SMC4: variants seen among roughly 807,000 people sequenced by gnomAD.
SMC4 encodes structural maintenance of chromosomes protein 4.
SMC4 carries 87 observed loss-of-function variants against 145.6 expected under a neutral mutation model. That is an observed-to-expected ratio of 0.60 (90% CI 0.50 to 0.71). SMC4 has a LOEUF of 0.71. Ranked by LOEUF, SMC4 falls within the 30% of genes least tolerant of loss-of-function variation. SMC4 has a pLI of 0.00. For missense variants in SMC4, 1,447 were observed against 1,537.1 expected (o/e 0.94, Z 0.98); for synonymous variants, 558 against 500.7 (o/e 1.11, Z -1.53).
At chr3:160,418,726 T>TA (rs1322677930) in intron 11 of SMC4, among the ~76,000 whole-genome samples, 10 of 152,064 alleles carry the variant, frequency 6.6e-5, no homozygotes, top group Non-Finnish European at 1.3e-4. Context: ...CAGTAAGTAA[T>TA]AGACATAATT....
At chr3:160,400,789 G>T (rs974336535) in intron 1 of SMC4, 33 bp from the exon 2 acceptor site, 1 of 1,469,898 alleles carries the variant, frequency 6.8e-7, no homozygotes. Context: ...CGGCCCGCGG[G>T]CTGACTTGCT....
chr3:160,402,294 T>C (rs958725946), intron 3 of SMC4, among the ~76,000 whole-genome samples: 31 of 152,198 alleles, frequency 2.0e-4, no homozygotes, highest in Non-Finnish European at 3.5e-4. Flanking sequence ...CTTTTGTTTA[T>C]CTGGTTATCT....
intron 5 of SMC4, among the ~76,000 whole-genome samples, chr3:160,409,082 C>G (rs998731196): frequency 2.7e-5 from 4 of 147,278 alleles, no homozygotes; most frequent in African/African-American, 9.8e-5. Context: ...CTGGCTAACA[C>G]GGTGAAACCC....
At chr3:160,406,568 A>G (rs971763145) in intron 5 of SMC4, among the ~76,000 whole-genome samples, 23 of 152,212 alleles carry the variant, frequency 1.5e-4, no homozygotes, top group Non-Finnish European at 2.4e-4. Flanking sequence ...CGTAGTATCA[A>G]CATCCAAGAC....
rs779132056 is a variant in SMC4 at position 160,424,976 on chromosome 3, G to A, written c.2435G>A (p.Arg812Gln). The A allele has an allele frequency of 1.1e-5, 18 of 1,612,574 alleles. No homozygotes were observed. Among genetic ancestry groups the A allele is most frequent in the South Asian group, 2.2e-5 (2 of 91,046 alleles). The change falls in exon 16 of 24, where the codon CGA becomes CAA. Residue 812 changes from arginine (R) to glutamine (Q), a missense_variant. Physicochemically the swap from Arg to Gln is conservative, Grantham distance 43 (BLOSUM62 1). Coordinates refer to ENST00000357388, the MANE Select transcript of SMC4 (RefSeq NM_001002800.3). ...ERVVKLRHSE[R>Q]EMRNTLEKFT... ...GTAGTTAAGTTACGGCATAGTGAAC[G>A]AGAAATGAGGAACACACTAGAAAAA...
Position 160,413,594 on chromosome 3 carries a change from G to C in SMC4, c.1102G>C (p.Asp368His). The C allele has an allele frequency of 7.1e-7, 1 of 1,414,960 alleles. No homozygotes were observed. The highest frequency in any genetic ancestry group is 1.5e-5 in the African/African-American group (1 of 68,804). 87.7% of individuals were successfully genotyped at this position (1,414,960 alleles called of 1,614,324 possible). The change falls in exon 8 of 24, where the codon GAT becomes CAT. Residue 368 changes from aspartate to histidine, a missense_variant. Physicochemically the swap from Asp to His is moderately conservative, Grantham distance 81 (BLOSUM62 -1). Coordinates refer to ENST00000357388, the MANE Select transcript of SMC4 (RefSeq NM_001002800.3). ...AAATGAAATGAAAGCTAAGAATAAA[G>C]ATGTAAAAGATACAGAAAAGTAATA... The part of the protein sequence containing the change: ...LSNEMKAKNK[D>H]VKDTEKKLNK...
At chr3:160,426,020 A>AT in intron 16 of SMC4, 54 bp from the exon 17 acceptor site, 1 of 1,387,376 alleles carries the variant, frequency 7.2e-7, no homozygotes, top group Non-Finnish European at 9.8e-7. Flanking sequence ...AAAATTCACA[A>AT]TGTTTAAAGC....
At chr3:160,422,025 T>C (rs1344808236) in intron 13 of SMC4, among the ~76,000 whole-genome samples, 1 of 152,256 alleles carries the variant, frequency 6.6e-6, no homozygotes, top group East Asian at 1.9e-4. Flanking sequence ...TCATCTATGT[T>C]GTAGCATGTA....
At chr3:160,420,646 T>G in intron 12 of SMC4, 94 bp from the exon 13 acceptor site, 1 of 1,322,682 alleles carries the variant, frequency 7.6e-7, no homozygotes, top group Non-Finnish European at 1.1e-6. Context: ...CTACATAAAG[T>G]TTTTCAATTA....
Position 160,431,037 on chromosome 3 carries a change from C to T in SMC4, c.2946C>T (p.Ser982=), listed in dbSNP as rs991067075. The change falls in exon 20 of 24, where the codon TCC becomes TCT. Residue 982 remains serine, a synonymous_variant. Transcript: ENST00000357388. ...CAGTTCTTTTCGGTGTTTAGGAATC[C>T]TTACCAGAGATCCAGAAAGAACATC... ...VVKNTNAAEE[S]LPEIQKEHRN... 1.9e-6 allele frequency: 3 copies of T among 1,598,070 alleles called. No individual in the cohort carries two copies. Among genetic ancestry groups the T allele is most frequent in the Admixed American group, 1.8e-5 (1 of 55,232 alleles).
intron 1 of SMC4, 113 bp from the exon 2 acceptor site, chr3:160,400,709 C>A: frequency 7.8e-7 from 1 of 1,286,824 alleles, no homozygotes; most frequent in Non-Finnish European, 1.0e-6. Context: ...TGCCTCTAAG[C>A]GGAGTGTTAA....
rs368691169 is a variant in SMC4, at chr3:160,431,742, A to G, written c.3214A>G (p.Ile1072Val). ...TGAAGCGATCAAGAATCCAGATTCT[A>G]TAACAAATCAAATTGCACTTTTGGA... Reference protein sequence around the residue: ...DLEAIKNPDSITNQIALLEAR... With the variant: ...DLEAIKNPDSVTNQIALLEAR... Residue 1072 changes from isoleucine to valine, a missense_variant, in exon 21 of 24, where the codon ATA (isoleucine) becomes GTA (valine). Ile to Val is a conservative substitution (Grantham distance 29, BLOSUM62 3). Transcript: ENST00000357388. 2.3e-5 allele frequency: 37 copies of G among 1,613,950 alleles called. No homozygotes were observed. The highest frequency in any genetic ancestry group is 3.3e-4 in the Middle Eastern group (2 of 6,084).
intron 15 of SMC4, 142 bp from the exon 16 acceptor site, chr3:160,424,725 G>C: frequency 1.3e-6 from 1 of 778,402 alleles, no homozygotes; most frequent in Non-Finnish European, 2.1e-6. Context: ...CAGGAGAATC[G>C]CTTGAACCCG....
Position 160,425,881 on chromosome 3 carries a change from C to T in SMC4, c.2479-193C>T, listed in dbSNP as rs567107205. Among the ~76,000 whole-genome samples the T allele has an allele frequency of 1.5e-3, 223 of 152,254 alleles. 2 individuals are homozygous for T. The highest frequency in any genetic ancestry group is 2.5e-3 in the Non-Finnish European group (171 of 67,986). On this transcript the variant is annotated intron_variant, in intron 16 of 23. Coordinates refer to ENST00000357388, the MANE Select transcript of SMC4 (RefSeq NM_001002800.3). ...TGTAAACAGAAATGTGGCATTTTAA[C>T]GTGTCTTTATAATGAGCTTACATAT...
chr3:160,417,920 A>G lies in SMC4; in HGVS notation c.1635A>G (p.Glu545=). 1 of 1,612,654 alleles carries G rather than the reference A, an allele frequency of 6.2e-7. No individual in the cohort carries two copies. Among genetic ancestry groups the G allele is most frequent in the South Asian group, 1.1e-5 (1 of 90,956 alleles). Residue 545 remains glutamate, a synonymous_variant, in exon 11 of 24, where the codon GAA becomes GAG. Transcript: ENST00000357388. ...KERKAAIRDI[E]GKLPQTEQEL... ...GGAAAGCTGCAATCAGAGATATAGAAGGAAAACTCCCTCAAACTGAACAAG... is the reference window on the plus strand; with the variant it reads ...GGAAAGCTGCAATCAGAGATATAGAGGGAAAACTCCCTCAAACTGAACAAG...
chr3:160,413,373 T>C lies in SMC4; in HGVS notation c.981-100T>C, dbSNP rs1211764959. 2.4e-5 allele frequency: 28 copies of C among 1,181,674 alleles called. 1 individual carries two copies. Among genetic ancestry groups the C allele is most frequent in the South Asian group, 4.3e-5 (3 of 69,854 alleles). 73.2% of individuals were successfully genotyped at this position (1,181,674 alleles called of 1,614,324 possible). ...AGGCAGTCATATATTGACTAGTTAA[T>C]AATATTTTAGAAACAGTTAGTTTTA... On this transcript the variant is annotated intron_variant, in intron 7 of 23. Coordinates refer to ENST00000357388, the MANE Select transcript of SMC4 (RefSeq NM_001002800.3).
chr3:160,426,271 A>G (rs1188907623), intron 17 of SMC4, 71 bp downstream of exon 17: 2 of 1,127,444 alleles, frequency 1.8e-6, no homozygotes, highest in African/African-American at 3.2e-5. Flanking sequence ...ATATTTAAGA[A>G]GCAGTAGAAT....
chr3:160,424,924 G>GA lies in SMC4; in HGVS notation c.2385dup (p.Gln796ThrfsTer6). 6.2e-7 allele frequency: 1 copy of GA among 1,613,816 alleles called. No individual in the cohort carries two copies. Among genetic ancestry groups the GA allele is most frequent in the Non-Finnish European group, 8.5e-7 (1 of 1,179,954 alleles). The stretch of plus-strand genomic sequence containing the variant: ...CTCTAAAAAAGCAATGCAAATCCAA[G>GA]AACAGAAAGTACAACTTGAAGAAAG... On this transcript the variant is annotated frameshift_variant, in exon 16 of 24. Transcript: ENST00000357388. LOFTEE classifies it high-confidence loss of function.
chr3:160,408,702 A>G (rs1224741186), intron 5 of SMC4, among the ~76,000 whole-genome samples: 2 of 152,224 alleles, frequency 1.3e-5, no homozygotes, highest in East Asian at 3.8e-4. Context: ...GAGTTATGTA[A>G]GTTTTCTGAA....
Sources: gnomAD v4.1 joint callset for allele counts (sites outside exome capture counted in the v4.1 genomes callset) on GRCh38, gnomAD v4.1.1 for gene constraint, MANE v1.5 for transcripts, NCBI Gene and HGNC (gene_info 2026-07-23, HGNC 2026-07-21) for gene names.